SCN7A: variants seen among roughly 807,000 people sequenced by gnomAD.
The protein encoded by SCN7A is sodium voltage-gated channel alpha subunit 7, also known as sodium channel protein type 7 subunit alpha.
In SCN7A, 138 loss-of-function variants were observed where a neutral mutation model predicts 155.2. The observed-to-expected ratio is 0.89, with a 90% confidence interval of 0.77 to 1.02. The LOEUF (loss-of-function observed/expected upper bound fraction) is 1.02. Among genes scored for constraint, SCN7A ranks in the 50% least tolerant of loss-of-function variants. SCN7A has a pLI of 0.00. For missense variants in SCN7A, 2,058 were observed against 1,986.6 expected, an observed-to-expected ratio of 1.04 and a Z score of -0.68; for synonymous variants, 693 against 649.0, an observed-to-expected ratio of 1.07 and a Z score of -1.03.
Position 166,405,606 on chromosome 2 carries a change from T to G in SCN7A, c.5023A>C (p.Lys1675Gln). The G allele has an allele frequency of 6.3e-7, 1 of 1,595,596 alleles. No homozygotes were observed. Among genetic ancestry groups the G allele is most frequent in the Non-Finnish European group, 8.5e-7 (1 of 1,171,774 alleles). The part of the protein sequence containing the change: ...EGAYFDKAKE[K>Q]SPIQSQI ...TAGATCTGGCTTTGAATAGGTGACT[T>G]TTCCTTAGCTTTGTCAAAATAGGCA... Residue 1675 changes from lysine (K) to glutamine (Q), a missense_variant, in exon 26 of 26, where the codon AAG becomes CAG. Transcript: ENST00000643258.
intron 23 of SCN7A, 42 bp downstream of exon 23, chr2:166,412,488 A>T: frequency 7.3e-7 from 1 of 1,362,418 alleles, no homozygotes; most frequent in Non-Finnish European, 9.5e-7. Context: ...TGTATGCCTG[A>T]TTTTCTCAGA....
intron 3 of SCN7A, among the ~76,000 whole-genome samples, chr2:166,476,905 A>T (rs779721822): frequency 3.9e-5 from 6 of 152,142 alleles, no homozygotes; most frequent in Non-Finnish European, 5.9e-5. Flanking sequence ...GGTTCATACC[A>T]ATCTCTGATT....
Position 166,405,948 on chromosome 2 carries a change from C to T in SCN7A, c.4681G>A (p.Ala1561Thr), listed in dbSNP as rs761368954. The T allele has an allele frequency of 1.2e-6, 2 of 1,612,958 alleles. No homozygotes were observed. The highest frequency in any genetic ancestry group is 3.3e-5 in the Admixed American group (2 of 59,832). Residue 1561 changes from alanine (A) to threonine (T), a missense_variant, in exon 26 of 26, where the codon GCT (alanine) becomes ACT (threonine). By Grantham distance (58) the Ala-to-Thr change is moderately conservative. Transcript: ENST00000643258. Reference protein sequence around the residue: ...MAKPNKGQLIALDLPMAVGDR... With the variant: ...MAKPNKGQLITLDLPMAVGDR... ...CCAACAGCCATGGGGAGGTCCAAAG[C>T]AATGAGCTGGCCCTTGTTTGGTTTT...
rs997267861 is a variant in SCN7A, at chr2:166,403,950, A to C, written c.*1630T>G. On this transcript the variant is annotated 3_prime_UTR_variant, in exon 26 of 26. Transcript: ENST00000643258. Reference sequence around the variant, plus strand: ...GAACACTTAGAGAGGAAAAAAAAAAAACCCTGAAATCTGAAATTACATTTA... The same window carrying C: ...GAACACTTAGAGAGGAAAAAAAAAACACCCTGAAATCTGAAATTACATTTA... 6.6e-6 allele frequency: 1 copy of C among 151,842 alleles called. No homozygotes were observed. The highest frequency in any genetic ancestry group is 6.6e-5 in the Admixed American group (1 of 15,212). The allele number at this position is 151,842 out of a possible 1,614,324, so 9.4% of individuals were successfully genotyped here.
intron 6 of SCN7A, among the ~76,000 whole-genome samples, chr2:166,471,727 G>C (rs902552923): frequency 1.6e-4 from 4 of 25,680 alleles, no homozygotes; most frequent in African/African-American, 4.6e-4. Flanking sequence ...AGAAAATGTG[G>C]GGGGGGGGGT....
intron 9 of SCN7A, among the ~76,000 whole-genome samples, chr2:166,464,540 C>G (rs918435487): frequency 6.6e-6 from 1 of 152,048 alleles, no homozygotes; most frequent in African/African-American, 2.4e-5. Flanking sequence ...ATTTTAAGAA[C>G]GAGGTTTTTA....
intron 1 of SCN7A, among the ~76,000 whole-genome samples, chr2:166,489,129 T>C (rs1683016874): frequency 6.6e-6 from 1 of 152,226 alleles, no homozygotes; most frequent in East Asian, 1.9e-4. Context: ...ATTGCTATCA[T>C]GGAATACCTA....
intron 1 of SCN7A, among the ~76,000 whole-genome samples, chr2:166,492,666 T>C (rs1341921049): frequency 6.6e-6 from 1 of 152,224 alleles, no homozygotes; most frequent in African/African-American, 2.4e-5. Context: ...CTTCCTCTAG[T>C]GCATTCTAGA....
intron 20 of SCN7A, among the ~76,000 whole-genome samples, chr2:166,417,573 T>A (rs1029567735): frequency 8.4e-5 from 12 of 143,412 alleles, no homozygotes; most frequent in African/African-American, 3.2e-4. Flanking sequence ...AATACTAGAA[T>A]AAATAATTAT....
At chr2:166,465,385 A>G in intron 9 of SCN7A, 77 bp downstream of exon 9, 1 of 982,146 alleles carries the variant, frequency 1.0e-6, no homozygotes, top group Non-Finnish European at 1.6e-6. Flanking sequence ...GGGAAGCAAC[A>G]GTAAAAGCAA....
intron 8 of SCN7A, 102 bp downstream of exon 8, chr2:166,465,679 T>C (rs1478914805): frequency 1.5e-6 from 2 of 1,363,840 alleles, no homozygotes; most frequent in Admixed American, 1.8e-5. Flanking sequence ...CCAGCGCCTT[T>C]GGGAATCTAA....
In SCN7A at chr2:166,406,200, C is replaced by G. The variant is rs1331965257; in HGVS notation, c.4429G>C (p.Val1477Leu). 1 of 1,612,892 alleles carries G rather than the reference C, an allele frequency of 6.2e-7. No individual in the cohort carries two copies. The highest frequency in any genetic ancestry group is 2.2e-5 in the East Asian group (1 of 44,818). Residue 1477 changes from valine (V) to leucine (L), a missense_variant, in exon 26 of 26, where the codon GTC becomes CTC. By Grantham distance (32) the Val-to-Leu change is conservative. Transcript: ENST00000643258. ...AGCCATGATATGAGGATATAACTGA[C>G]AAAATAAAAAATCCCAACAGAGGGG... Reference protein sequence around the residue: ...GNPSVGIFYFVSYILISWLII... With the variant: ...GNPSVGIFYFLSYILISWLII...
intron 12 of SCN7A, among the ~76,000 whole-genome samples, chr2:166,446,987 C>T (rs1232250214): frequency 6.6e-6 from 1 of 152,100 alleles, no homozygotes; most frequent in Non-Finnish European, 1.5e-5. Flanking sequence ...ACATGTATAC[C>T]TGTGTAGCAA....
chr2:166,406,682 T>C, intron 25 of SCN7A, 36 bp from the exon 26 acceptor site: 1 of 1,343,706 alleles, frequency 7.4e-7, no homozygotes, highest in Non-Finnish European at 1.0e-6. Context: ...CTATACATTA[T>C]TCAAACACAA....
chr2:166,472,821 T>C (rs1281630272), intron 5 of SCN7A, among the ~76,000 whole-genome samples: 1 of 151,902 alleles, frequency 6.6e-6, no homozygotes, highest in African/African-American at 2.4e-5. Flanking sequence ...TTGCTTAGGA[T>C]TGCCTTAGCT....
intron 15 of SCN7A, among the ~76,000 whole-genome samples, chr2:166,435,461 T>C (rs1282115539): frequency 6.6e-6 from 1 of 152,128 alleles, no homozygotes; most frequent in South Asian, 2.1e-4. Flanking sequence ...AACAAAACTT[T>C]TTAAAAAATT....
intron 21 of SCN7A, among the ~76,000 whole-genome samples, chr2:166,414,293 C>CATATATATATATATACACACACATAT (rs1559088887): frequency 2.4e-5 from 1 of 42,094 alleles, no homozygotes; most frequent in Non-Finnish European, 4.3e-5. Context: ...TATACACACA[C>CATATATATATATATACACACACATAT]ATATATATAT....
chr2:166,413,982 T>TATAG (rs1491089716), intron 21 of SCN7A, among the ~76,000 whole-genome samples: 1 of 33,342 alleles, frequency 3.0e-5, no homozygotes, highest in African/African-American at 2.8e-4. Flanking sequence ...TGTGTATGTG[T>TATAG]ATATATATAT....
chr2:166,421,393 A>G (rs1225552131), intron 19 of SCN7A, 96 bp from the exon 20 acceptor site: 2 of 561,718 alleles, frequency 3.6e-6, no homozygotes, highest in African/African-American at 3.9e-5. Flanking sequence ...AGATATATAC[A>G]ATAAAAGCTT....
Sources: gnomAD v4.1 joint callset for allele counts (sites outside exome capture counted in the v4.1 genomes callset) on GRCh38, gnomAD v4.1.1 for gene constraint, MANE v1.5 for transcripts, NCBI Gene and HGNC (gene_info 2026-07-23, HGNC 2026-07-21) for gene names.